The following DACT3 variants were observed in gnomAD, a reference collection of about 807,000 sequenced individuals.
DACT3 encodes the protein dapper homolog 3.
Under a neutral mutation model 19.6 loss-of-function variants are expected in DACT3, and 5 were observed. The observed-to-expected ratio is 0.26, with a 90% CI of 0.13 to 0.54. The LOEUF (loss-of-function observed/expected upper bound fraction) is 0.54. Ranked by LOEUF, DACT3 falls within the 20% of genes least tolerant of loss-of-function variation. The pLI is 0.95. For synonymous variants in DACT3, 454 were observed against 428.1 expected (o/e 1.06, Z -0.75); for missense variants, 908 against 927.4 (o/e 0.98, Z 0.27).
Position 46,660,628 on chromosome 19 carries a change from C to T in DACT3, c.249+188G>A, listed in dbSNP as rs2053068015. 6.6e-6 allele frequency among the ~76,000 whole-genome samples: 1 copy of T among 152,158 alleles called. No homozygotes were observed. The highest frequency in any genetic ancestry group is 1.5e-5 in the Non-Finnish European group (1 of 67,996). On this transcript the variant is annotated intron_variant, in intron 1 of 3. Transcript: ENST00000391916. This position sits in a 1 kb window ranked among gnomAD's most constrained non-coding sequence, Gnocchi z 4.9. ...GTGGGGGCGATGCAGTTCCCCCTCC[C>T]CCGATTTGGGGGCGGGGAGGCCAGG...
rs905290903 is a variant in DACT3 at position 46,649,615 on chromosome 19, T to G, written c.757A>C (p.Ile253Leu). The G allele has an allele frequency of 4.6e-5, 52 of 1,136,826 alleles. No homozygotes were observed. The highest frequency in any genetic ancestry group is 2.2e-4 in the East Asian group (4 of 18,270). 70.4% of individuals were successfully genotyped at this position (1,136,826 alleles called of 1,614,324 possible). A position where few individuals can be genotyped will look rare whatever the true frequency, so the allele number is the denominator to read the frequency against. ...CGGCGCCTGCGCAGGAGCGCCGAGA[T>G]GTAGCCGTCCAGGGGCCGCCCTGCG... ...GGAGRPLDGY[I>L]SALLRRRRRR... Residue 253 changes from isoleucine to leucine, a missense_variant, in exon 4 of 4, where the codon ATC becomes CTC. By Grantham distance (5) the Ile-to-Leu change is conservative. Around this residue, in one of 2 missense-constraint regions of DACT3, gnomAD observed 656 missense variants for 601.8 expected, o/e 1.09. Coordinates refer to ENST00000391916, the MANE Select transcript of DACT3 (RefSeq NM_145056.3).
Position 46,648,839 on chromosome 19 carries a change from A to G in DACT3, c.1533T>C (p.Arg511=). Residue 511 remains arginine (R), a synonymous_variant, in exon 4 of 4, where the codon CGT becomes CGC. Transcript: ENST00000391916. This position sits in a 1 kb window ranked among gnomAD's most constrained non-coding sequence, Gnocchi z 5.1. ...TGCCCGCGCAGCCGTAAAGCAGACG[A>G]CGCTGGGGAGCTGACGGGGACGGGC... ...GPGPSPSAPQ[R]RLLYGCAGSD... is the part of the protein sequence containing the mutation. 2.0e-6 allele frequency: 3 copies of G among 1,485,626 alleles called. No homozygotes were observed. The highest frequency in any genetic ancestry group is 2.7e-6 in the Non-Finnish European group (3 of 1,127,182). 92.0% of individuals were successfully genotyped at this position (1,485,626 alleles called of 1,614,324 possible). A position where few individuals can be genotyped will look rare whatever the true frequency, so the allele number is the denominator to read the frequency against.
chr19:46,649,355 C>A lies in DACT3; in HGVS notation c.1017G>T (p.Pro339=), dbSNP rs754826442. The part of the protein sequence containing the change: ...ESEAAPEPAA[P]PAAPSPPDSP... ...TGTCGGGGGGTGAGGGGGCGGCGGG[C>A]GGCGCAGCGGGCTCGGGTGCCGCCT... Residue 339 remains proline, a synonymous_variant, in exon 4 of 4, where the codon CCG becomes CCT. Transcript: ENST00000391916. The A allele has an allele frequency of 3.1e-4, 384 of 1,245,808 alleles. 3 individuals carry two copies. Among genetic ancestry groups the A allele is most frequent in the Non-Finnish European group, 3.4e-4 (333 of 991,724 alleles). 77.2% of individuals were successfully genotyped at this position (1,245,808 alleles called of 1,614,324 possible). A position where few individuals can be genotyped will look rare whatever the true frequency, so the allele number is the denominator to read the frequency against.
At position 46,653,499 on chromosome 19, in the gene DACT3, T is replaced by C. The variant is rs374045234; in HGVS notation, c.250-424A>G. On this transcript the variant is annotated intron_variant, in intron 1 of 3. Coordinates refer to ENST00000391916, the MANE Select transcript of DACT3 (RefSeq NM_145056.3). ...TGTCCAGGACCCCCAGATCCCTTAG[T>C]CATAGGTCTGCCTTCTTCTCCAAGT... 2.7e-4 allele frequency among the ~76,000 whole-genome samples: 41 copies of C among 151,836 alleles called. 1 individual carries two copies. Among genetic ancestry groups the C allele is most frequent in the Non-Finnish European group, 4.4e-5 (3 of 67,844 alleles).
rs1246752148 is a variant in DACT3, at chr19:46,661,168, G to C, written c.-104C>G. 8.1e-7 allele frequency: 1 copy of C among 1,233,380 alleles called. No homozygotes were observed. Among genetic ancestry groups the C allele is most frequent in the Non-Finnish European group, 1.0e-6 (1 of 960,776 alleles). 76.4% of individuals were successfully genotyped at this position (1,233,380 alleles called of 1,614,324 possible). The stretch of plus-strand genomic sequence containing the variant: ...TGCCCGCCCGCCCGCTGGCCGGGCT[G>C]TCACCGTCTCATCTGCATAGGCGCC... On this transcript the variant is annotated 5_prime_UTR_variant, in exon 1 of 4. Coordinates refer to ENST00000391916, the MANE Select transcript of DACT3 (RefSeq NM_145056.3).
chr19:46,652,574 C>G (rs751565605), intron 3 of DACT3, 86 bp downstream of exon 3: 2 of 1,400,560 alleles, frequency 1.4e-6, no homozygotes, highest in Admixed American at 2.3e-5. Context: ...GAATTGGAAT[C>G]CAGGCCCGAT....
chr19:46,651,944 A>G (rs2052990394), intron 3 of DACT3: 1 of 152,170 alleles, frequency 6.6e-6, no homozygotes. Context: ...CCCTGGCTAG[A>G]GTGCAGTGGC....
At position 46,648,586 on chromosome 19, in the gene DACT3, C is replaced by A. The variant is rs775050873; in HGVS notation, c.1786G>T (p.Ala596Ser). Residue 596 changes from alanine to serine, a missense_variant, in exon 4 of 4, where the codon GCA becomes TCA. Ala to Ser is a moderately conservative substitution (Grantham distance 99). Transcript: ENST00000391916. This position sits in a 1 kb window ranked among gnomAD's most constrained non-coding sequence, Gnocchi z 5.1. ...TTCACGAAGACTTTGGCGGGGCCTG[C>A]GGGCGCCCCTGCACCTGCTCCACCC... ...SGGGAGAGAP[A>S]GPAKVFVKIK... 7 of 1,613,602 alleles carry A rather than the reference C, an allele frequency of 4.3e-6. No homozygotes were observed. The highest frequency in any genetic ancestry group is 4.0e-5 in the African/African-American group (3 of 75,060).
Position 46,653,008 on chromosome 19 carries a change from C to G in DACT3, c.317G>C (p.Gly106Ala). ...QLGDLSLESGGLEQESGRSSG... is the reference protein window; with the variant it reads ...QLGDLSLESGALEQESGRSSG... ...GCTACGCCCGCTCTCCTGTTCCAGG[C>G]CCCCAGACTCCAGGCTCAGGTCTCC... is the stretch of plus-strand genomic sequence containing the variant. Residue 106 changes from glycine to alanine, a missense_variant, in exon 2 of 4, where the codon GGC becomes GCC. Gly to Ala is a moderately conservative substitution (Grantham distance 60). Transcript: ENST00000391916. 3.2e-6 allele frequency: 5 copies of G among 1,551,368 alleles called. No individual in the cohort carries two copies. The highest frequency in any genetic ancestry group is 2.0e-5 in the Admixed American group (1 of 50,990).
At chr19:46,653,934 T>C (rs2053010660) in intron 1 of DACT3, 1 of 971,346 alleles carries the variant, frequency 1.0e-6, no homozygotes, top group African/African-American at 1.8e-5. Context: ...GAGTCTTCCT[T>C]AAGTCCTTCC....
chr19:46,660,517 G>A lies in DACT3; in HGVS notation c.249+299C>T, dbSNP rs873286. 0.11 allele frequency: 42,239 copies of A among 381,616 alleles called. 2,986 individuals carry two copies. Among genetic ancestry groups the A allele is most frequent in the East Asian group, 0.29 (6,153 of 21,256 alleles). 23.6% of individuals were successfully genotyped at this position (381,616 alleles called of 1,614,324 possible). On this transcript the variant is annotated intron_variant, in intron 1 of 3. Transcript: ENST00000391916. The surrounding 1 kb of genome is among the most constrained non-coding windows in gnomAD (Gnocchi z 4.9). ...CAACGCCTGCAAAGTACCCGGTCTCGGGTTTGACACATACTTGGCGCCCAC... is the reference window on the plus strand; with the variant it reads ...CAACGCCTGCAAAGTACCCGGTCTCAGGTTTGACACATACTTGGCGCCCAC...
Position 46,649,398 on chromosome 19 carries a change from G to C in DACT3, c.974C>G (p.Ala325Gly). The part of the protein sequence containing the change: ...TSPAALSRAW[A>G]SSWESEAAPE... ...TGCCGCCTCCGACTCCCACGACGAC[G>C]CCCAGGCGCGGCTCAAGGCGGCAGG... The change falls in exon 4 of 4, where the codon GCG (alanine) becomes GGG (glycine). Residue 325 changes from alanine (A) to glycine (G), a missense_variant. Physicochemically the swap from Ala to Gly is moderately conservative, Grantham distance 60 (BLOSUM62 0). Around this residue, in one of 2 missense-constraint regions of DACT3, gnomAD observed 656 missense variants for 601.8 expected, o/e 1.09. Coordinates refer to ENST00000391916, the MANE Select transcript of DACT3 (RefSeq NM_145056.3). 7.8e-7 allele frequency: 1 copy of C among 1,286,008 alleles called. No individual in the cohort carries two copies. Among genetic ancestry groups the C allele is most frequent in the Non-Finnish European group, 9.9e-7 (1 of 1,007,218 alleles). 79.7% of individuals were successfully genotyped at this position (1,286,008 alleles called of 1,614,324 possible).
At chr19:46,653,536 T>C (rs904059538) in intron 1 of DACT3, among the ~76,000 whole-genome samples, 4 of 131,962 alleles carry the variant, frequency 3.0e-5, no homozygotes, top group Non-Finnish European at 4.7e-5. Flanking sequence ...TTTCTTTTTT[T>C]ATTTTTATTT....
rs1186971974 is a variant in DACT3 at position 46,653,045 on chromosome 19, C to T, written c.280G>A (p.Gly94Arg). ...EALPGLVWDL[G>R]QQLGDLSLES... ...AGGCTCAGGTCTCCCAGCTGCTGTC[C>T]CAGGTCCCAGACGAGACCAGGCAGG... Residue 94 changes from glycine to arginine, a missense_variant, in exon 2 of 4, where the codon GGA becomes AGA. Physicochemically the swap from Gly to Arg is moderately radical, Grantham distance 125 (BLOSUM62 -2). Transcript: ENST00000391916. 6.4e-7 allele frequency: 1 copy of T among 1,551,430 alleles called. No homozygotes were observed. The highest frequency in any genetic ancestry group is 8.7e-7 in the Non-Finnish European group (1 of 1,147,000).
chr19:46,659,197 G>A (rs1465716481), intron 1 of DACT3: 6 of 985,096 alleles, frequency 6.1e-6, no homozygotes, highest in South Asian at 4.7e-5. Context: ...GCCTGCCACC[G>A]CCTCCTCCCT....
rs1182111567 is a variant in DACT3, at chr19:46,652,648, C to T, written c.499+12G>A. ...TTCCCTGGCCCCAGGGCCCCACCCT[C>T]ACCCACCTTACCTAGGGACTTGGGC... On this transcript the variant is annotated intron_variant, in intron 3 of 3. Transcript: ENST00000391916. The T allele has an allele frequency of 4.5e-6, 7 of 1,550,052 alleles. No homozygotes were observed. Among genetic ancestry groups the T allele is most frequent in the Non-Finnish European group, 6.1e-6 (7 of 1,146,832 alleles).
intron 1 of DACT3, among the ~76,000 whole-genome samples, chr19:46,658,639 G>C (rs955351663): frequency 6.6e-6 from 1 of 152,080 alleles, no homozygotes; most frequent in African/African-American, 2.4e-5. Context: ...ATCTTTAAAA[G>C]ATTAGAAAGT....
At position 46,648,506 on chromosome 19, in the gene DACT3, A is replaced by C. The variant is rs141967676; in HGVS notation, c.1866T>G (p.Ser622=). ...CTCACACTGTAGTCATGACCTTGAG[A>C]GAACCCGAACGGAAACGCAGTATCT... The part of the protein sequence containing the change: ...KKKILRFRSG[S]LKVMTTV The change falls in exon 4 of 4, where the codon TCT becomes TCG. Residue 622 remains serine (S), a synonymous_variant. Transcript: ENST00000391916. The surrounding 1 kb of genome is among the most constrained non-coding windows in gnomAD (Gnocchi z 5.1). 29 of 1,614,026 alleles carry C rather than the reference A, an allele frequency of 1.8e-5. No individual in the cohort carries two copies. In the Middle Eastern group the frequency reaches 4.9e-4, roughly 28 times the overall value.
At chr19:46,657,346 C>CTTTTTTTTTTTT (rs71177239) in intron 1 of DACT3, among the ~76,000 whole-genome samples, 1 of 69,390 alleles carries the variant, frequency 1.4e-5, no homozygotes, top group Non-Finnish European at 2.6e-5. Context: ...AAATGAGTTT[C>CTTTTTTTTTTTT]TTTTTTTTTT....
Sources: allele counts gnomAD v4.1 joint callset (sites outside exome capture counted in the v4.1 genomes callset), GRCh38; gene constraint gnomAD v4.1.1; regional missense constraint gnomAD v4.1.1; non-coding constraint Gnocchi (gnomAD v3.1); transcripts MANE v1.5; gene names NCBI Gene and HGNC (gene_info 2026-07-23, HGNC 2026-07-21).